The following ITSN2 variants were observed in gnomAD, a reference collection of about 807,000 sequenced individuals.
The protein encoded by ITSN2 is intersectin 2, also known as intersectin-2.
ITSN2 carries 156 observed loss-of-function variants against 243.7 expected under a neutral mutation model. That is an observed-to-expected ratio of 0.64 (90% CI 0.56 to 0.73). The LOEUF (loss-of-function observed/expected upper bound fraction) is 0.73. Ranked by LOEUF, ITSN2 falls within the 30% of genes least tolerant of loss-of-function variation. The pLI, the probability that ITSN2 is intolerant of heterozygous loss-of-function variation, is 0.00. For synonymous variants in ITSN2, 703 were observed against 699.9 expected (o/e 1.00, Z -0.07); for missense variants, 1,801 against 1,996.1 (o/e 0.90, Z 1.86).
At chr2:24,238,540 T>C (rs1326004801) in intron 29 of ITSN2, among the ~76,000 whole-genome samples, 1 of 152,204 alleles carries the variant, frequency 6.6e-6, no homozygotes, top group African/African-American at 2.4e-5. Flanking sequence ...TAAACTCTTA[T>C]TTTGTACTAA....
In ITSN2 at chr2:24,208,255, GCTT is replaced by G. The variant is rs767013225; in HGVS notation, c.4657_4659del (p.Lys1553del). On this transcript the variant is annotated inframe_deletion, in exon 37 of 40. Coordinates refer to ENST00000355123, the MANE Select transcript of ITSN2 (RefSeq NM_006277.3). ...CTGATACCTTGGTAAGCTTTCTCAC[GCTT>G]CTTCTTCTCGGTGTCGATGTACTGC... The G allele has an allele frequency of 2.5e-4, 411 of 1,612,426 alleles. 2 individuals are homozygous for G. In the Middle Eastern group the frequency reaches 3.6e-3, roughly 14 times the overall value.
chr2:24,211,814 A>G lies in ITSN2; in HGVS notation c.4089+836T>C, dbSNP rs1669519537. Among the ~76,000 whole-genome samples, 2 of 152,180 alleles carry G rather than the reference A, an allele frequency of 1.3e-5. No individual in the cohort carries two copies. The highest frequency in any genetic ancestry group is 4.8e-5 in the African/African-American group (2 of 41,450). ...AGGCTCAGTTGAGGAGTCATATATT[A>G]TATGGTATTTGAGCTACATTCCGAA... On this transcript the variant is annotated intron_variant, in intron 33 of 39. Coordinates refer to ENST00000355123, the MANE Select transcript of ITSN2 (RefSeq NM_006277.3). The surrounding 1 kb of genome is among the most constrained non-coding windows in gnomAD (Gnocchi z 4.1).
chr2:24,274,746 G>C (rs1677809762), intron 18 of ITSN2, among the ~76,000 whole-genome samples: 1 of 152,134 alleles, frequency 6.6e-6, no homozygotes, highest in Admixed American at 6.6e-5. Flanking sequence ...ATTAAGAATA[G>C]AGGCCTGCCA....
chr2:24,358,718 T>C (rs529325067), intron 1 of ITSN2, among the ~76,000 whole-genome samples: 3 of 152,184 alleles, frequency 2.0e-5, no homozygotes, highest in Non-Finnish European at 4.4e-5. Flanking sequence ...GGGTGATGGG[T>C]ACATGCTATT....
chr2:24,306,878 T>C (rs1324738202), intron 8 of ITSN2, among the ~76,000 whole-genome samples: 1 of 152,006 alleles, frequency 6.6e-6, no homozygotes, highest in Non-Finnish European at 1.5e-5. Flanking sequence ...CAATCTCGGC[T>C]CACTGCAACC....
Position 24,210,826 on chromosome 2 carries a change from C to A in ITSN2, c.4211G>T (p.Arg1404Leu), listed in dbSNP as rs553084105. The A allele has an allele frequency of 1.9e-6, 3 of 1,614,052 alleles. No individual in the cohort carries two copies. Among genetic ancestry groups the A allele is most frequent in the Non-Finnish European group, 2.5e-6 (3 of 1,179,994 alleles). The change falls in exon 34 of 40, where the codon CGA becomes CTA. Residue 1404 changes from arginine to leucine, a missense_variant. This residue lies in a region of ITSN2 where 928 missense variants were observed against 1,065.4 expected (regional missense o/e 0.87). Coordinates refer to ENST00000355123, the MANE Select transcript of ITSN2 (RefSeq NM_006277.3). ...EGVREKENSD[R>L]LEWIQAHVQC... ...CACGTGCGCCTGGATCCACTCCAGT[C>A]GGTCCGAGTTTTCCTTCTCCCGAAC...
At chr2:24,272,196 TC>T (rs1386892073) in intron 18 of ITSN2, among the ~76,000 whole-genome samples, 3 of 151,592 alleles carry the variant, frequency 2.0e-5, no homozygotes, top group Admixed American at 2.0e-4. Context: ...ACCCAAAAAT[TC>T]CCTCCTGCTA....
intron 27 of ITSN2, 129 bp from the exon 28 acceptor site, chr2:24,247,022 G>T: frequency 1.6e-6 from 1 of 637,570 alleles, no homozygotes; most frequent in Non-Finnish European, 2.7e-6. Context: ...GAGAGGTCTG[G>T]TTTTTGCCCT....
At chr2:24,232,388 G>T (rs148641771) in intron 29 of ITSN2, among the ~76,000 whole-genome samples, 1 of 152,078 alleles carries the variant, frequency 6.6e-6, no homozygotes, top group African/African-American at 2.4e-5. Flanking sequence ...ACTGTAAAAG[G>T]TCATAAGCCT....
chr2:24,220,975 C>CCG lies in ITSN2; in HGVS notation c.3667_3668dup (p.Tyr1224GlyfsTer30), dbSNP rs765567780. Reference sequence around the variant, plus strand: ...CGACGAGCTGAAGGTCAGCCATGTACCGCTCTTCGGTCTGAATCAGCTCAT... The same window carrying CCG: ...CGACGAGCTGAAGGTCAGCCATGTACCGCGCTCTTCGGTCTGAATCAGCTCAT... On this transcript the variant is annotated frameshift_variant, in exon 30 of 40. Coordinates refer to ENST00000355123, the MANE Select transcript of ITSN2 (RefSeq NM_006277.3). LOFTEE classifies it high-confidence loss of function. 1 of 1,609,658 alleles carries CCG rather than the reference C, an allele frequency of 6.2e-7. No homozygotes were observed. The highest frequency in any genetic ancestry group is 1.7e-5 in the Admixed American group (1 of 59,202).
In ITSN2 at chr2:24,293,723, T is replaced by A; in HGVS notation, c.1688A>T (p.Glu563Val). 1 of 1,275,292 alleles carries A rather than the reference T, an allele frequency of 7.8e-7. No individual in the cohort carries two copies. Among genetic ancestry groups the A allele is most frequent in the Middle Eastern group, 1.9e-4 (1 of 5,320 alleles). 79.0% of individuals were successfully genotyped at this position (1,275,292 alleles called of 1,614,324 possible). Reference sequence around the variant, plus strand: ...ACTGAACTGCATGTTTTTAATTCTTTCATTTAATAATTGCTTCTCAGGTAC... The same window carrying A: ...ACTGAACTGCATGTTTTTAATTCTTACATTTAATAATTGCTTCTCAGGTAC... ...YLVPEKQLLN[E>V]RIKNMQFSNT... The change falls in exon 15 of 40, where the codon GAA (glutamate) becomes GTA (valine). Residue 563 changes from glutamate to valine, a missense_variant. Physicochemically the swap from Glu to Val is moderately radical, Grantham distance 121 (BLOSUM62 -2). Around this residue, in one of 5 missense-constraint regions of ITSN2, gnomAD observed 787 missense variants for 803.9 expected, o/e 0.98. Coordinates refer to ENST00000355123, the MANE Select transcript of ITSN2 (RefSeq NM_006277.3).
At chr2:24,282,684 C>T (rs1678943220) in intron 17 of ITSN2, among the ~76,000 whole-genome samples, 1 of 152,180 alleles carries the variant, frequency 6.6e-6, no homozygotes, top group Non-Finnish European at 1.5e-5. Flanking sequence ...CATCTGTATG[C>T]TCCCCTAGAG....
intron 29 of ITSN2, among the ~76,000 whole-genome samples, chr2:24,237,367 C>CTCTCT (rs1672279416): frequency 0.011 from 1 of 92 alleles, no homozygotes; most frequent in Non-Finnish European, 0.024. Flanking sequence ...CTCATATAAC[C>CTCTCT]TGTTTCCCAT....
intron 3 of ITSN2, among the ~76,000 whole-genome samples, chr2:24,314,157 G>C (rs952998872): frequency 3.9e-5 from 6 of 152,252 alleles, no homozygotes; most frequent in East Asian, 1.9e-4. Context: ...GTCTCTGTGG[G>C]ACTTAGGGAA....
intron 29 of ITSN2, among the ~76,000 whole-genome samples, chr2:24,222,450 C>CA (rs1370732077): frequency 1.3e-5 from 2 of 151,804 alleles, no homozygotes; most frequent in Non-Finnish European, 2.9e-5. Context: ...TGACCTGACA[C>CA]AAAAAAATAG....
In ITSN2 at chr2:24,217,889, G is replaced by A. The variant is rs772923472; in HGVS notation, c.3806+18C>T. 2 of 1,568,104 alleles carry A rather than the reference G, an allele frequency of 1.3e-6. No homozygotes were observed. Among genetic ancestry groups the A allele is most frequent in the East Asian group, 2.2e-5 (1 of 44,604 alleles). ...GCTTTGGGGTCAGCGGCAATGACAG[G>A]TGATGCTCAGGACTCACTTCAGCAG... On this transcript the variant is annotated intron_variant, in intron 31 of 39. Transcript: ENST00000355123.
At chr2:24,308,983 A>AT (rs748259198) in intron 7 of ITSN2, 19 of 518,260 alleles carry the variant, frequency 3.7e-5, no homozygotes, top group Non-Finnish European at 6.4e-5. Context: ...TTAGATTCTC[A>AT]TAAGAGTGCA....
chr2:24,312,901 A>G (rs907406997), intron 4 of ITSN2, among the ~76,000 whole-genome samples: 4 of 152,164 alleles, frequency 2.6e-5, no homozygotes, highest in Non-Finnish European at 5.9e-5. Flanking sequence ...AAACTACAAA[A>G]TAACAGAAAG....
At chr2:24,237,618 G>A (rs543348679) in intron 29 of ITSN2, among the ~76,000 whole-genome samples, 1 of 152,208 alleles carries the variant, frequency 6.6e-6, no homozygotes, top group Non-Finnish European at 1.5e-5. Flanking sequence ...ATTCTTCACT[G>A]CAGTTGGTGG....
Sources: allele counts gnomAD v4.1 joint callset (sites outside exome capture counted in the v4.1 genomes callset), GRCh38; gene constraint gnomAD v4.1.1; regional missense constraint gnomAD v4.1.1; non-coding constraint Gnocchi (gnomAD v3.1); transcripts MANE v1.5; gene names NCBI Gene and HGNC (gene_info 2026-07-23, HGNC 2026-07-21).